CCL18: variants seen among roughly 807,000 people sequenced by gnomAD.
The protein encoded by CCL18 is C-C motif chemokine ligand 18, also known as C-C motif chemokine 18.
A neutral mutation model predicts 8.0 loss-of-function variants in CCL18; 7 were observed. The ratio of observed to expected loss-of-function variants is 0.87; its 90% CI spans 0.50 to 1.64. The LOEUF is 1.64. CCL18 is among the 40% of genes most tolerant of loss of function. The pLI, the probability that CCL18 is intolerant of heterozygous loss-of-function variation, is 0.00. For synonymous variants in CCL18, 35 were observed against 41.3 expected, an observed-to-expected ratio of 0.85 and a Z score of 0.59; for missense variants, 95 against 107.8, an observed-to-expected ratio of 0.88 and a Z score of 0.52.
At chr17:36,064,469 C>T (rs996792947) in intron 1 of CCL18, 60 bp downstream of exon 1, 47 of 1,331,900 alleles carry the variant, frequency 3.5e-5, no homozygotes, top group African/African-American at 1.2e-4. Context: ...CGACATCTTC[C>T]AAGTGCTGTG....
intron 1 of CCL18, among the ~76,000 whole-genome samples, chr17:36,069,068 T>C (rs1456858260): frequency 6.6e-6 from 1 of 152,062 alleles, no homozygotes; most frequent in East Asian, 1.9e-4. Flanking sequence ...TTGCTCAGGT[T>C]GGTCTCACAC....
At chr17:36,065,422 C>A (rs1402598959) in intron 1 of CCL18, among the ~76,000 whole-genome samples, 1 of 152,128 alleles carries the variant, frequency 6.6e-6, no homozygotes, top group Non-Finnish European at 1.5e-5. Flanking sequence ...TATGAAAGTC[C>A]ATAGTAGCTC....
At chr17:36,068,660 T>A (rs990871625) in intron 1 of CCL18, among the ~76,000 whole-genome samples, 1 of 152,188 alleles carries the variant, frequency 6.6e-6, no homozygotes, top group Non-Finnish European at 1.5e-5. Context: ...CTCCCTCGTA[T>A]GCTTGTGGAT....
rs570478382 is a variant in CCL18 at position 36,067,451 on chromosome 17, C to T, written c.68-2996C>T. 2.0e-5 allele frequency among the ~76,000 whole-genome samples: 3 copies of T among 152,184 alleles called. No homozygotes were observed. The South Asian group carries it at 6.2e-4, about 32-fold the overall frequency. The stretch of plus-strand genomic sequence containing the variant: ...CCTGTAATCCTAGCACTTTGGGAGG[C>T]CGAGGCAAGCAGATCACCTGAGGTC... On this transcript the variant is annotated intron_variant, in intron 1 of 2. Coordinates refer to ENST00000616054, the MANE Select transcript of CCL18 (RefSeq NM_002988.4).
chr17:36,071,085 G>A lies in CCL18; in HGVS notation c.*44G>A. On this transcript the variant is annotated 3_prime_UTR_variant, in exon 3 of 3. Transcript: ENST00000616054. ...GGGCCCAGTGAACTTGGTGGGCCCA[G>A]GAGGGAACAGGAGCCTGAGCCAGGG... The A allele has an allele frequency of 7.3e-7, 1 of 1,364,278 alleles. No homozygotes were observed. The allele number at this position is 1,364,278 out of a possible 1,614,324, so 84.5% of individuals were successfully genotyped here. A position where few individuals can be genotyped will look rare whatever the true frequency, so the allele number is the denominator to read the frequency against.
chr17:36,067,065 G>A (rs954041833), intron 1 of CCL18, among the ~76,000 whole-genome samples: 3 of 152,204 alleles, frequency 2.0e-5, no homozygotes, highest in African/African-American at 4.8e-5. Context: ...ATCTTAAGTA[G>A]TTCGAGTTGT....
Position 36,070,477 on chromosome 17 carries a change from T to A in CCL18, c.98T>A (p.Val33Asp). 1 of 1,613,640 alleles carries A rather than the reference T, an allele frequency of 6.2e-7. No homozygotes were observed. Among genetic ancestry groups the A allele is most frequent in the South Asian group, 1.1e-5 (1 of 91,068 alleles). The change falls in exon 2 of 3, where the codon GTC (valine) becomes GAC (aspartate). Residue 33 changes from valine (V) to aspartate (D), a missense_variant. By Grantham distance (152) the Val-to-Asp change is radical. Coordinates refer to ENST00000616054, the MANE Select transcript of CCL18 (RefSeq NM_002988.4). ...VGTNKELCCL[V>D]YTSWQIPQKF... is the part of the protein sequence containing the mutation. ...ACCAACAAAGAGCTCTGCTGCCTCGTCTATACCTCCTGGCAGATTCCACAA... is the reference window on the plus strand; with the variant it reads ...ACCAACAAAGAGCTCTGCTGCCTCGACTATACCTCCTGGCAGATTCCACAA...
At position 36,070,480 on chromosome 17, in the gene CCL18, A is replaced by G. The variant is rs1437819781; in HGVS notation, c.101A>G (p.Tyr34Cys). The G allele has an allele frequency of 2.5e-6, 4 of 1,613,666 alleles. No homozygotes were observed. Among genetic ancestry groups the G allele is most frequent in the Non-Finnish European group, 8.5e-7 (1 of 1,179,562 alleles). Residue 34 changes from tyrosine (Y) to cysteine (C), a missense_variant, in exon 2 of 3, where the codon TAT becomes TGT. Transcript: ENST00000616054. Reference sequence around the variant, plus strand: ...AACAAAGAGCTCTGCTGCCTCGTCTATACCTCCTGGCAGATTCCACAAAAG... The same window carrying G: ...AACAAAGAGCTCTGCTGCCTCGTCTGTACCTCCTGGCAGATTCCACAAAAG... ...GTNKELCCLV[Y>C]TSWQIPQKFI...
chr17:36,066,999 A>G (rs988374697), intron 1 of CCL18, among the ~76,000 whole-genome samples: 2 of 152,216 alleles, frequency 1.3e-5, no homozygotes, highest in Admixed American at 6.5e-5. Flanking sequence ...TGGAACAGAT[A>G]TTTCTAGTGT....
Position 36,070,575 on chromosome 17 carries a change from C to T in CCL18, c.179+17C>T. ...AGGTGTCATGTAAGTGCCAGTGCTC[C>T]TGCCCACCCCTCGGGAGGGAGGATG... On this transcript the variant is annotated intron_variant, in intron 2 of 2. Transcript: ENST00000616054. 2 of 1,458,792 alleles carry T rather than the reference C, an allele frequency of 1.4e-6. No individual in the cohort carries two copies. The highest frequency in any genetic ancestry group is 1.9e-6 in the Non-Finnish European group (2 of 1,038,304). The allele number at this position is 1,458,792 out of a possible 1,614,324, so 90.4% of individuals were successfully genotyped here.
At chr17:36,070,889 A>G in intron 2 of CCL18, 62 bp from the exon 3 acceptor site, 1 of 1,234,046 alleles carries the variant, frequency 8.1e-7, no homozygotes, top group Admixed American at 1.7e-5. Context: ...AGAAGGACGC[A>G]GGGGCCACAG....
In CCL18 at chr17:36,070,989, C is replaced by T; in HGVS notation, c.218C>T (p.Pro73Leu). 1 of 1,614,056 alleles carries T rather than the reference C, an allele frequency of 6.2e-7. No individual in the cohort carries two copies. The highest frequency in any genetic ancestry group is 8.5e-7 in the Non-Finnish European group (1 of 1,179,934). ...TKRGRQICAD[P>L]NKKWVQKYIS... Reference sequence around the variant, plus strand: ...AGAGGCCGGCAGATCTGTGCTGACCCCAATAAGAAGTGGGTCCAGAAATAC... The same window carrying T: ...AGAGGCCGGCAGATCTGTGCTGACCTCAATAAGAAGTGGGTCCAGAAATAC... The change falls in exon 3 of 3, where the codon CCC becomes CTC. Residue 73 changes from proline to leucine, a missense_variant. Physicochemically the swap from Pro to Leu is moderately conservative, Grantham distance 98. Transcript: ENST00000616054.
At chr17:36,064,855 G>T (rs182342371) in intron 1 of CCL18, among the ~76,000 whole-genome samples, 2 of 152,186 alleles carry the variant, frequency 1.3e-5, no homozygotes, top group Non-Finnish European at 2.9e-5. Context: ...TATTCAGGGA[G>T]CTTGATTCCC....
rs1299215634 is a variant in CCL18 at position 36,071,603 on chromosome 17, A to T, written c.*562A>T. 1 of 152,554 alleles carries T rather than the reference A, an allele frequency of 6.6e-6. No homozygotes were observed. The highest frequency in any genetic ancestry group is 1.9e-4 in the East Asian group (1 of 5,206). The allele number at this position is 152,554 out of a possible 1,614,324, so 9.5% of individuals were successfully genotyped here. A position where few individuals can be genotyped will look rare whatever the true frequency, so the allele number is the denominator to read the frequency against. On this transcript the variant is annotated 3_prime_UTR_variant, in exon 3 of 3. Transcript: ENST00000616054. ...ATAGGGACCAAGTACTTCTACAGTC[A>T]TACCAGACATTTCCCTGGAGATACT... is the stretch of plus-strand genomic sequence containing the variant.
chr17:36,071,038 C>T lies in CCL18; in HGVS notation c.267C>T (p.Ala89=), dbSNP rs2066863278. The change falls in exon 3 of 3, where the codon GCC becomes GCT. Residue 89 remains alanine (A), a synonymous_variant. Transcript: ENST00000616054. ...QKYISDLKLN[A] Reference sequence around the variant, plus strand: ...ACATCAGCGACCTGAAGCTGAATGCCTGAGGGGCCTGGAAGCTGCGAGGGC... The same window carrying T: ...ACATCAGCGACCTGAAGCTGAATGCTTGAGGGGCCTGGAAGCTGCGAGGGC... 11 of 1,610,148 alleles carry T rather than the reference C, an allele frequency of 6.8e-6. No individual in the cohort carries two copies. The highest frequency in any genetic ancestry group is 9.4e-6 in the Non-Finnish European group (11 of 1,176,384).
Position 36,069,867 on chromosome 17 carries a change from C to A in CCL18, c.68-580C>A, listed in dbSNP as rs73290785. Among the ~76,000 whole-genome samples the A allele has an allele frequency of 6.2e-3, 947 of 152,340 alleles. 11 individuals carry two copies. The highest frequency in any genetic ancestry group is 0.021 in the African/African-American group (891 of 41,570). On this transcript the variant is annotated intron_variant, in intron 1 of 2. Coordinates refer to ENST00000616054, the MANE Select transcript of CCL18 (RefSeq NM_002988.4). The stretch of plus-strand genomic sequence containing the variant: ...TTTGTCTTTTGCTCTTGTGCCCCTA[C>A]TGTCTGGCCATGGCTTGGACCCCAC...
intron 1 of CCL18, among the ~76,000 whole-genome samples, chr17:36,069,422 C>G (rs1023610513): frequency 6.6e-6 from 1 of 152,028 alleles, no homozygotes; most frequent in Non-Finnish European, 1.5e-5. Flanking sequence ...AGCATGACAC[C>G]AGTATCATGA....
At chr17:36,065,355 A>AT (rs1275321133) in intron 1 of CCL18, among the ~76,000 whole-genome samples, 11 of 151,944 alleles carry the variant, frequency 7.2e-5, no homozygotes, top group African/African-American at 2.2e-4. Flanking sequence ...TGAAGTCTCC[A>AT]TTTTTTGCTT....
intron 2 of CCL18, 143 bp downstream of exon 2, chr17:36,070,701 T>C (rs2066860985): frequency 3.1e-6 from 2 of 652,558 alleles, no homozygotes; most frequent in Admixed American, 5.4e-5. Context: ...TGACCTGGCC[T>C]GGGGCCTGCA....
Sources: gnomAD v4.1 joint callset for allele counts (sites outside exome capture counted in the v4.1 genomes callset) on GRCh38, gnomAD v4.1.1 for gene constraint, MANE v1.5 for transcripts, NCBI Gene and HGNC (gene_info 2026-07-23, HGNC 2026-07-21) for gene names.